DOCK1: variants seen among roughly 807,000 people sequenced by gnomAD.
DOCK1 encodes dedicator of cytokinesis 1.
Under a neutral mutation model 262.7 loss-of-function variants are expected in DOCK1, and 138 were observed. The ratio of observed to expected loss-of-function variants is 0.53; its 90% CI spans 0.46 to 0.61. The LOEUF (loss-of-function observed/expected upper bound fraction) is 0.61. Ranked by LOEUF, DOCK1 falls within the 20% of genes least tolerant of loss-of-function variation. The probability of loss-of-function intolerance (pLI) is 0.00; values close to 1 mark genes in which losing one functional copy is unlikely to be tolerated. For synonymous variants in DOCK1, 866 were observed against 867.4 expected, an observed-to-expected ratio of 1.00 and a Z score of 0.03; for missense variants, 1,908 against 2,370.7, an observed-to-expected ratio of 0.80 and a Z score of 4.05.
rs531772534 is a variant in DOCK1 at position 127,374,803 on chromosome 10, G to A, written c.3675+589G>A. 5.3e-5 allele frequency among the ~76,000 whole-genome samples: 8 copies of A among 152,316 alleles called. No individual in the cohort carries two copies. In the East Asian group the frequency reaches 1.5e-3, roughly 30 times the overall value. ...TGGAGGCAGAGATTGGAGGGACCCA[G>A]TCTCAAGCCAAGGAATGCCTGGAGC... On this transcript the variant is annotated intron_variant, in intron 35 of 51. Coordinates refer to ENST00000623213, the MANE Select transcript of DOCK1 (RefSeq NM_001290223.2).
chr10:127,256,486 G>T (rs12354831), intron 28 of DOCK1, among the ~76,000 whole-genome samples: 9,094 of 152,178 alleles, frequency 0.06, 340 homozygotes, highest in Non-Finnish European at 0.087. Flanking sequence ...CCTACCTTGA[G>T]TGTTGAGTGA....
At chr10:127,083,823 A>G (rs1226250927) in intron 23 of DOCK1, among the ~76,000 whole-genome samples, 1 of 152,210 alleles carries the variant, frequency 6.6e-6, no homozygotes, top group Non-Finnish European at 1.5e-5. Context: ...ATATTATGGC[A>G]CAGGAGAGAA....
At chr10:127,055,506 T>C (rs1210371186) in intron 22 of DOCK1, among the ~76,000 whole-genome samples, 1 of 152,222 alleles carries the variant, frequency 6.6e-6, no homozygotes, top group Non-Finnish European at 1.5e-5. Flanking sequence ...CTGGAAAGGA[T>C]TTTTAGATGG....
At chr10:126,917,406 C>T (rs755730027) in intron 1 of DOCK1, among the ~76,000 whole-genome samples, 4 of 152,154 alleles carry the variant, frequency 2.6e-5, no homozygotes, top group Non-Finnish European at 5.9e-5. Context: ...CATTCTGGTT[C>T]TCTGATCAGA....
intron 40 of DOCK1, among the ~76,000 whole-genome samples, chr10:127,407,804 G>A (rs2134361481): frequency 6.6e-6 from 1 of 152,138 alleles, no homozygotes; most frequent in Admixed American, 6.5e-5. Context: ...AAGCACCTCA[G>A]CAACCACGCC....
chr10:127,354,826 A>G (rs1369593636), intron 32 of DOCK1, 99 bp downstream of exon 32: 11 of 1,436,496 alleles, frequency 7.7e-6, no homozygotes, highest in Non-Finnish European at 1.1e-5. Context: ...TTAAGATCTT[A>G]ATGGCTTCTG....
chr10:127,149,621 G>A (rs528425504), intron 27 of DOCK1, among the ~76,000 whole-genome samples: 1 of 152,250 alleles, frequency 6.6e-6, no homozygotes, highest in Non-Finnish European at 1.5e-5. Flanking sequence ...ATTGGGTTTC[G>A]AGTGAAAAGT....
intron 40 of DOCK1, among the ~76,000 whole-genome samples, chr10:127,408,417 C>T (rs752152350): frequency 3.9e-5 from 6 of 152,212 alleles, no homozygotes; most frequent in Non-Finnish European, 5.9e-5. Flanking sequence ...CTCCGTCCAT[C>T]GCCAGTCACT....
chr10:127,405,622 C>T (rs2067475412), intron 40 of DOCK1, among the ~76,000 whole-genome samples: 1 of 152,122 alleles, frequency 6.6e-6, no homozygotes, highest in South Asian at 2.1e-4. Flanking sequence ...GTTTCCGACT[C>T]CACGGGAGTC....
At position 127,317,365 on chromosome 10, in the gene DOCK1, A is replaced by G. The variant is rs137915091; in HGVS notation, c.3045-21641A>G. Among the ~76,000 whole-genome samples, 763 of 152,328 alleles carry G rather than the reference A, an allele frequency of 5.0e-3. 2 individuals are homozygous for G. The highest frequency in any genetic ancestry group is 8.6e-3 in the Non-Finnish European group (585 of 68,030). On this transcript the variant is annotated intron_variant, in intron 29 of 51. Coordinates refer to ENST00000623213, the MANE Select transcript of DOCK1 (RefSeq NM_001290223.2). Reference sequence around the variant, plus strand: ...TTTTTTCCAAAATATGGCATAACACAGAATTCTTGGATTTGCTGAAATCCT... The same window carrying G: ...TTTTTTCCAAAATATGGCATAACACGGAATTCTTGGATTTGCTGAAATCCT...
intron 24 of DOCK1, among the ~76,000 whole-genome samples, chr10:127,107,725 A>G (rs1281710836): frequency 6.6e-6 from 1 of 152,102 alleles, no homozygotes; most frequent in Non-Finnish European, 1.5e-5. Flanking sequence ...TTTGATTTTA[A>G]CAACCTCCCT....
At position 127,042,590 on chromosome 10, in the gene DOCK1, T is replaced by C. The variant is rs529149430; in HGVS notation, c.2011-35T>C. The C allele has an allele frequency of 1.5e-5, 24 of 1,595,768 alleles. No individual in the cohort carries two copies. The African/African-American group carries it at 3.2e-4, about 21-fold the overall frequency. On this transcript the variant is annotated intron_variant, in intron 19 of 51. Transcript: ENST00000623213. ...CAGTGTGTGGGGGAAGTCCGGTGGG[T>C]TCACATTGTCACCCGACCTTCTGTG...
intron 27 of DOCK1, among the ~76,000 whole-genome samples, chr10:127,225,436 C>T (rs1353883022): frequency 6.6e-6 from 1 of 152,206 alleles, no homozygotes; most frequent in Non-Finnish European, 1.5e-5. Context: ...TTCATTCTTT[C>T]CTTTGAGATC....
At chr10:127,345,042 C>T (rs974877867) in intron 31 of DOCK1, among the ~76,000 whole-genome samples, 2 of 152,098 alleles carry the variant, frequency 1.3e-5, no homozygotes, top group African/African-American at 4.8e-5. Flanking sequence ...ACATGTTGTA[C>T]GGGTTTGTAG....
rs747882538 is a variant in DOCK1 at position 127,175,529 on chromosome 10, C to G, written c.2847+47765C>G. ...GGAGCCCGTTGAGATGTGTGGCTCTCCTCCGCTCGTCATCTGCCGGGCAGA... is the reference window on the plus strand; with the variant it reads ...GGAGCCCGTTGAGATGTGTGGCTCTGCTCCGCTCGTCATCTGCCGGGCAGA... On this transcript the variant is annotated intron_variant, in intron 27 of 51. Coordinates refer to ENST00000623213, the MANE Select transcript of DOCK1 (RefSeq NM_001290223.2). The surrounding 1 kb of genome is among the most constrained non-coding windows in gnomAD (Gnocchi z 6.3). The G allele has an allele frequency of 3.1e-6, 5 of 1,610,028 alleles. No homozygotes were observed. The highest frequency in any genetic ancestry group is 2.2e-5 in the East Asian group (1 of 44,866).
intron 29 of DOCK1, among the ~76,000 whole-genome samples, chr10:127,266,311 T>C (rs2060352680): frequency 6.6e-6 from 1 of 152,262 alleles, no homozygotes; most frequent in Admixed American, 6.5e-5. Context: ...TGGATTTTAG[T>C]TGATGTTGTG....
chr10:127,416,504 T>C (rs533060813), intron 44 of DOCK1, among the ~76,000 whole-genome samples: 1 of 152,126 alleles, frequency 6.6e-6, no homozygotes, highest in Non-Finnish European at 1.5e-5. Flanking sequence ...AGCCCTGACC[T>C]TTCGTGAGGA....
intron 14 of DOCK1, among the ~76,000 whole-genome samples, chr10:127,024,265 C>T (rs1288594261): frequency 1.3e-5 from 2 of 152,166 alleles, no homozygotes; most frequent in African/African-American, 4.8e-5. Flanking sequence ...AGGTGCTGCC[C>T]TTGCCACTGG....
At chr10:127,350,432 C>T (rs2063830934) in intron 31 of DOCK1, among the ~76,000 whole-genome samples, 1 of 152,128 alleles carries the variant, frequency 6.6e-6, no homozygotes, top group Non-Finnish European at 1.5e-5. Flanking sequence ...GCCCAGAATG[C>T]TCTTCCCTAC....
Sources: allele counts gnomAD v4.1 joint callset (sites outside exome capture counted in the v4.1 genomes callset), GRCh38; gene constraint gnomAD v4.1.1; non-coding constraint Gnocchi (gnomAD v3.1); transcripts MANE v1.5; gene names NCBI Gene and HGNC (gene_info 2026-07-23, HGNC 2026-07-21).